SCD5: variants seen among roughly 807,000 people sequenced by gnomAD.
SCD5 encodes the protein acyl-CoA-desaturase 4.
In SCD5, 20 loss-of-function variants were observed where a neutral mutation model predicts 30.4. The observed-to-expected ratio is 0.66, with a 90% CI of 0.46 to 0.96. The LOEUF (loss-of-function observed/expected upper bound fraction) is 0.96, where lower values mean the gene tolerates loss of function less well. SCD5 is among the 40% of genes least tolerant of loss of function. The pLI, the probability that SCD5 is intolerant of heterozygous loss-of-function variation, is 0.00. For synonymous variants in SCD5, 173 were observed against 176.4 expected, an observed-to-expected ratio of 0.98 and a Z score of 0.16; for missense variants, 381 against 443.3, an observed-to-expected ratio of 0.86 and a Z score of 1.26.
At chr4:82,658,013 T>C (rs1456430017) in intron 3 of SCD5, among the ~76,000 whole-genome samples, 1 of 152,214 alleles carries the variant, frequency 6.6e-6, no homozygotes, top group Non-Finnish European at 1.5e-5. Context: ...GATGGGGTTT[T>C]CTAAATATAC....
intron 3 of SCD5, among the ~76,000 whole-genome samples, chr4:82,642,722 A>G (rs977559933): frequency 1.3e-5 from 2 of 152,236 alleles, no homozygotes; most frequent in African/African-American, 4.8e-5. Flanking sequence ...CTGACTGCAC[A>G]TTAGAATAAA....
At chr4:82,756,088 T>C (rs915492787) in intron 1 of SCD5, among the ~76,000 whole-genome samples, 2 of 152,352 alleles carry the variant, frequency 1.3e-5, no homozygotes, top group East Asian at 1.9e-4. Context: ...CAGCCTGAGA[T>C]GCCTTCCTCC....
rs191320282 is a variant in SCD5, at chr4:82,716,611, C to A, written c.233-11198G>T. Among the ~76,000 whole-genome samples the A allele has an allele frequency of 1.9e-3, 286 of 151,786 alleles. 7 individuals carry two copies. The highest frequency in any genetic ancestry group is 6.4e-3 in the African/African-American group (263 of 41,122). ...GGCGGATCACTTGAGGTCAGGAGTT[C>A]GAGACCAGCCTGGCCAACATGGTGA... On this transcript the variant is annotated intron_variant, in intron 1 of 4. Coordinates refer to ENST00000319540, the MANE Select transcript of SCD5 (RefSeq NM_001037582.3).
chr4:82,637,373 T>C (rs1277464642), intron 3 of SCD5, among the ~76,000 whole-genome samples: 4 of 152,140 alleles, frequency 2.6e-5, no homozygotes, highest in African/African-American at 9.7e-5. Context: ...AAATAATAAG[T>C]ATAGAAACAG....
At chr4:82,656,055 A>C (rs908590625) in intron 3 of SCD5, among the ~76,000 whole-genome samples, 20 of 152,102 alleles carry the variant, frequency 1.3e-4, no homozygotes, top group Non-Finnish European at 1.6e-4. Context: ...GGAAAAGACA[A>C]GTACTCCTGG....
At chr4:82,643,193 A>G (rs1409416943) in intron 3 of SCD5, among the ~76,000 whole-genome samples, 2 of 152,178 alleles carry the variant, frequency 1.3e-5, no homozygotes, top group Non-Finnish European at 2.9e-5. Context: ...CACTGCAGGA[A>G]ATGGTTTGAT....
At chr4:82,642,509 C>T (rs922646676) in intron 3 of SCD5, among the ~76,000 whole-genome samples, 3 of 152,232 alleles carry the variant, frequency 2.0e-5, no homozygotes, top group Admixed American at 1.3e-4. Context: ...TGTCCCGTGT[C>T]TATGACACTC....
intron 1 of SCD5, among the ~76,000 whole-genome samples, chr4:82,795,809 C>CCA: frequency 4.6e-5 from 2 of 43,910 alleles, no homozygotes; most frequent in Admixed American, 6.5e-4. Flanking sequence ...CCCTGTCTCA[C>CCA]AAAAAAAAAA....
At chr4:82,689,185 G>A (rs1417066764) in intron 2 of SCD5, among the ~76,000 whole-genome samples, 1 of 152,174 alleles carries the variant, frequency 6.6e-6, no homozygotes, top group African/African-American at 2.4e-5. Flanking sequence ...TGCCAGGACT[G>A]GGGTAGGAAA....
At chr4:82,746,197 A>C (rs1720978434) in intron 1 of SCD5, among the ~76,000 whole-genome samples, 2 of 152,240 alleles carry the variant, frequency 1.3e-5, no homozygotes, top group African/African-American at 2.4e-5. Context: ...TGGGGGACTG[A>C]ATCGTTTCCA....
chr4:82,645,306 C>G (rs6839649), intron 3 of SCD5, among the ~76,000 whole-genome samples: 136,210 of 149,008 alleles, frequency 0.91, 62,331 homozygotes, highest in East Asian at 1. Context: ...AGAGTGAGAC[C>G]GTCTCAAGAA....
intron 1 of SCD5, among the ~76,000 whole-genome samples, chr4:82,726,089 C>T (rs894708747): frequency 1.3e-5 from 2 of 152,062 alleles, no homozygotes; most frequent in Admixed American, 1.3e-4. Context: ...AGAGGAACAC[C>T]CAACAACTTT....
chr4:82,655,842 T>G (rs138105496), intron 3 of SCD5, among the ~76,000 whole-genome samples: 1 of 152,114 alleles, frequency 6.6e-6, no homozygotes, highest in Non-Finnish European at 1.5e-5. Flanking sequence ...GCCAGGAGTT[T>G]ATAAGGGAAC....
intron 4 of SCD5, among the ~76,000 whole-genome samples, chr4:82,635,430 T>C (rs1340993772): frequency 6.6e-6 from 1 of 151,916 alleles, no homozygotes; most frequent in Non-Finnish European, 1.5e-5. Context: ...CCATCCTGGC[T>C]AACACGGTGA....
intron 1 of SCD5, among the ~76,000 whole-genome samples, chr4:82,760,852 C>T (rs1721349983): frequency 6.6e-6 from 1 of 152,192 alleles, no homozygotes; most frequent in South Asian, 2.1e-4. Context: ...CGTCAGCTTC[C>T]CAAGGAAGGG....
intron 3 of SCD5, among the ~76,000 whole-genome samples, chr4:82,640,735 T>C (rs1727525017): frequency 6.6e-6 from 1 of 152,204 alleles, no homozygotes; most frequent in South Asian, 2.1e-4. Context: ...GAAGAAGCAC[T>C]GAGATGGCTC....
intron 1 of SCD5, among the ~76,000 whole-genome samples, chr4:82,716,401 A>C (rs1720227976): frequency 2.0e-5 from 3 of 151,882 alleles, no homozygotes; most frequent in Admixed American, 2.0e-4. Flanking sequence ...AGACTACATC[A>C]AAGTGTTGTT....
At chr4:82,659,049 C>T (rs1001529556) in intron 3 of SCD5, among the ~76,000 whole-genome samples, 5 of 151,928 alleles carry the variant, frequency 3.3e-5, no homozygotes, top group Non-Finnish European at 7.4e-5. Context: ...GACTTCTTCC[C>T]GGTGTAGTCC....
intron 1 of SCD5, among the ~76,000 whole-genome samples, chr4:82,708,117 G>A (rs534835132): frequency 3.9e-5 from 6 of 152,248 alleles, no homozygotes; most frequent in East Asian, 3.9e-4. Flanking sequence ...GGCAGTGGCT[G>A]CTAATGGGTT....
Sources: gnomAD v4.1 joint callset for allele counts (sites outside exome capture counted in the v4.1 genomes callset) on GRCh38, gnomAD v4.1.1 for gene constraint, MANE v1.5 for transcripts, NCBI Gene and HGNC (gene_info 2026-07-23, HGNC 2026-07-21) for gene names.